HES1: variants seen among roughly 807,000 people sequenced by gnomAD.
HES1 encodes hes family bHLH transcription factor 1, also known as transcription factor HES-1.
Under a neutral mutation model 21.0 loss-of-function variants are expected in HES1, and 7 were observed. The observed-to-expected ratio is 0.33, with a 90% confidence interval of 0.19 to 0.63. The LOEUF is 0.63. HES1 is among the 20% of genes least tolerant of loss of function. The probability of loss-of-function intolerance (pLI) is 0.78; values close to 1 mark genes in which losing one functional copy is unlikely to be tolerated. For synonymous variants in HES1, 169 were observed against 171.2 expected (o/e 0.99, Z 0.10); for missense variants, 338 against 389.8 (o/e 0.87, Z 1.12).
At chr3:194,136,520 C>T in intron 1 of HES1, 32 bp downstream of exon 1, 3 of 1,569,622 alleles carry the variant, frequency 1.9e-6, no homozygotes, top group Non-Finnish European at 2.6e-6. Flanking sequence ...CTTTGCAGCC[C>T]CTCAAAATTA....
chr3:194,136,513 T>C (rs1715342140), intron 1 of HES1, 25 bp downstream of exon 1: 6 of 1,574,622 alleles, frequency 3.8e-6, no homozygotes, highest in South Asian at 1.2e-5. Context: ...TGTATCTCTT[T>C]GCAGCCCCTC....
chr3:194,136,877 G>A lies in HES1; in HGVS notation c.205-84G>A, dbSNP rs540940171. ...GCTGGGGTCCAGAGATAATGCTTGC[G>A]CTCCGTGGCCGGGAGGAGGGACCCC... On this transcript the variant is annotated intron_variant, in intron 2 of 3. Transcript: ENST00000232424. 9.0e-6 allele frequency: 13 copies of A among 1,442,562 alleles called. No individual in the cohort carries two copies. In the East Asian group the frequency reaches 2.9e-4, roughly 33 times the overall value. The allele number at this position is 1,442,562 out of a possible 1,614,324, so 89.4% of individuals were successfully genotyped here.
chr3:194,136,386 A>T lies in HES1; in HGVS notation c.6A>T (p.Pro2=), dbSNP rs749803709. ...AAAAAAAAAAAAAAAGGAAAATGCC[A>T]GCTGATATAATGGAGAAAAATTCCT... M[P]ADIMEKNSSS... Residue 2 remains proline, a synonymous_variant, in exon 1 of 4, where the codon CCA becomes CCT. Transcript: ENST00000232424. 2 of 1,527,020 alleles carry T rather than the reference A, an allele frequency of 1.3e-6. No homozygotes were observed. Among genetic ancestry groups the T allele is most frequent in the Non-Finnish European group, 1.8e-6 (2 of 1,127,780 alleles). 94.6% of individuals were successfully genotyped at this position (1,527,020 alleles called of 1,614,324 possible). A position where few individuals can be genotyped will look rare whatever the true frequency, so the allele number is the denominator to read the frequency against.
Position 194,137,602 on chromosome 3 carries a change from C to T in HES1, c.293-81C>T. 1 of 1,413,564 alleles carries T rather than the reference C, an allele frequency of 7.1e-7. No individual in the cohort carries two copies. The highest frequency in any genetic ancestry group is 9.4e-7 in the Non-Finnish European group (1 of 1,063,272). The allele number at this position is 1,413,564 out of a possible 1,614,324, so 87.6% of individuals were successfully genotyped here. A position where few individuals can be genotyped will look rare whatever the true frequency, so the allele number is the denominator to read the frequency against. On this transcript the variant is annotated intron_variant, in intron 3 of 3. Coordinates refer to ENST00000232424, the MANE Select transcript of HES1 (RefSeq NM_005524.4). The surrounding 1 kb of genome is among the most constrained non-coding windows in gnomAD (Gnocchi z 5.4). ...CGGGCGCATGGTCAGGGAGGCGCGC[C>T]ACAGGGACCTCCCAGGGCGGAGGCA...
rs1224880667 is a variant in HES1, at chr3:194,138,325, G to A, written c.*92G>A. ...GGAACTTGAATACTGGGAGAGAAGA[G>A]GACTTTTTTGATTAAGTGGTTACTT... On this transcript the variant is annotated 3_prime_UTR_variant, in exon 4 of 4. Coordinates refer to ENST00000232424, the MANE Select transcript of HES1 (RefSeq NM_005524.4). 1 of 1,279,778 alleles carries A rather than the reference G, an allele frequency of 7.8e-7. No homozygotes were observed. Among genetic ancestry groups the A allele is most frequent in the African/African-American group, 1.5e-5 (1 of 65,522 alleles). 79.3% of individuals were successfully genotyped at this position (1,279,778 alleles called of 1,614,324 possible). A position where few individuals can be genotyped will look rare whatever the true frequency, so the allele number is the denominator to read the frequency against.
At position 194,137,774 on chromosome 3, in the gene HES1, C is replaced by G; in HGVS notation, c.384C>G (p.Cys128Trp). The stretch of plus-strand genomic sequence containing the variant: ...AGGTGACCCGCTTCCTGTCCACGTG[C>G]GAGGGCGTTAATACCGAGGTGCGCA... ...MNEVTRFLST[C>W]EGVNTEVRTR... The change falls in exon 4 of 4, where the codon TGC (cysteine) becomes TGG (tryptophan). Residue 128 changes from cysteine to tryptophan, a missense_variant. By Grantham distance (215) the Cys-to-Trp change is radical. Coordinates refer to ENST00000232424, the MANE Select transcript of HES1 (RefSeq NM_005524.4). The surrounding 1 kb of genome is among the most constrained non-coding windows in gnomAD (Gnocchi z 5.4). 3 of 1,613,532 alleles carry G rather than the reference C, an allele frequency of 1.9e-6. No homozygotes were observed. In the East Asian group the frequency reaches 6.7e-5, roughly 36 times the overall value.
chr3:194,136,794 C>T (rs1715351418), intron 2 of HES1, 82 bp downstream of exon 2: 2 of 1,433,944 alleles, frequency 1.4e-6, no homozygotes, highest in Non-Finnish European at 2.0e-6. Flanking sequence ...CCCCGCCCTG[C>T]GGGGTCTGGC....
At chr3:194,136,882 G>A in intron 2 of HES1, 79 bp from the exon 3 acceptor site, 2 of 1,459,102 alleles carry the variant, frequency 1.4e-6, no homozygotes, top group Non-Finnish European at 1.9e-6. Flanking sequence ...CTTGCGCTCC[G>A]TGGCCGGGAG....
In HES1 at chr3:194,137,313, A is replaced by G. The variant is rs559325563; in HGVS notation, c.292+265A>G. ...GGACTTAGGACTGTGGCGGTTTGGA[A>G]CTGCGTGGAGCCTGGGGGTCACTGG... On this transcript the variant is annotated intron_variant, in intron 3 of 3. Coordinates refer to ENST00000232424, the MANE Select transcript of HES1 (RefSeq NM_005524.4). This position sits in a 1 kb window ranked among gnomAD's most constrained non-coding sequence, Gnocchi z 5.4. 29 of 584,886 alleles carry G rather than the reference A, an allele frequency of 5.0e-5. No homozygotes were observed. The East Asian group carries it at 8.3e-4, about 17-fold the overall frequency. 36.2% of individuals were successfully genotyped at this position (584,886 alleles called of 1,614,324 possible). A position where few individuals can be genotyped will look rare whatever the true frequency, so the allele number is the denominator to read the frequency against.
At position 194,136,324 on chromosome 3, in the gene HES1, T is replaced by C; in HGVS notation, c.-57T>C. On this transcript the variant is annotated 5_prime_UTR_variant, in exon 1 of 4. Coordinates refer to ENST00000232424, the MANE Select transcript of HES1 (RefSeq NM_005524.4). ...AGAGACACAAACAAAAAATTCTTTT[T>C]CGTGAAGAACTCCAAAAATAAAATT... 9.2e-7 allele frequency: 1 copy of C among 1,089,144 alleles called. No individual in the cohort carries two copies. Among genetic ancestry groups the C allele is most frequent in the Non-Finnish European group, 1.3e-6 (1 of 756,294 alleles). 67.5% of individuals were successfully genotyped at this position (1,089,144 alleles called of 1,614,324 possible). A position where few individuals can be genotyped will look rare whatever the true frequency, so the allele number is the denominator to read the frequency against.
chr3:194,138,184 G>T lies in HES1; in HGVS notation c.794G>T (p.Ser265Ile). 1 of 1,601,652 alleles carries T rather than the reference G, an allele frequency of 6.2e-7. No individual in the cohort carries two copies. The highest frequency in any genetic ancestry group is 8.5e-7 in the Non-Finnish European group (1 of 1,174,726). ...SVGPNAVSPS[S>I]GPSLTADSMW... Reference sequence around the variant, plus strand: ...GGCCCCAACGCAGTGTCACCTTCCAGCGGCCCCTCGCTTACGGCGGACTCC... The same window carrying T: ...GGCCCCAACGCAGTGTCACCTTCCATCGGCCCCTCGCTTACGGCGGACTCC... The change falls in exon 4 of 4, where the codon AGC (serine) becomes ATC (isoleucine). Residue 265 changes from serine to isoleucine, a missense_variant. Ser to Ile is a moderately radical substitution (Grantham distance 142). Transcript: ENST00000232424.
At position 194,137,064 on chromosome 3, in the gene HES1, C is replaced by T; in HGVS notation, c.292+16C>T. On this transcript the variant is annotated intron_variant, in intron 3 of 3. Coordinates refer to ENST00000232424, the MANE Select transcript of HES1 (RefSeq NM_005524.4). This position sits in a 1 kb window ranked among gnomAD's most constrained non-coding sequence, Gnocchi z 5.4. ...CAGATGACGGGTGAGGGCGGCTCGCCGCGTCCCCCTGTGCGGGCGTCCCGC... is the reference window on the plus strand; with the variant it reads ...CAGATGACGGGTGAGGGCGGCTCGCTGCGTCCCCCTGTGCGGGCGTCCCGC... 6.2e-7 allele frequency: 1 copy of T among 1,609,148 alleles called. No individual in the cohort carries two copies. The highest frequency in any genetic ancestry group is 8.5e-7 in the Non-Finnish European group (1 of 1,175,784).
rs1458383587 is a variant in HES1, at chr3:194,136,621, C to G, written c.113C>G (p.Ser38Ter). 6.2e-7 allele frequency: 1 copy of G among 1,609,906 alleles called. No individual in the cohort carries two copies. Among genetic ancestry groups the G allele is most frequent in the Non-Finnish European group, 8.5e-7 (1 of 1,178,152 alleles). Residue 38 changes from serine (S) to a stop codon, truncating the protein, a stop_gained, in exon 2 of 4, where the codon TCA becomes TGA. Coordinates refer to ENST00000232424, the MANE Select transcript of HES1 (RefSeq NM_005524.4). LOFTEE classifies it high-confidence loss of function. ...AACTCTTTTTTTTATTTGCAGTCATCAAAGCCTATTATGGAGAAAAGACGA... is the reference window on the plus strand; with the variant it reads ...AACTCTTTTTTTTATTTGCAGTCATGAAAGCCTATTATGGAGAAAAGACGA... The part of the protein sequence containing the change: ...PKTASEHRKS[S>*]KPIMEKRRRA...
At chr3:194,136,821 T>G (rs773467524) in intron 2 of HES1, 109 bp downstream of exon 2, 14 of 1,369,986 alleles carry the variant, frequency 1.0e-5, no homozygotes, top group Middle Eastern at 1.8e-4. Flanking sequence ...TGGTACTGCG[T>G]TCTCCCAGGC....
rs1364315506 is a variant in HES1 at position 194,136,720 on chromosome 3, G to A, written c.204+8G>A. 1.2e-5 allele frequency: 19 copies of A among 1,595,994 alleles called. No homozygotes were observed. Among genetic ancestry groups the A allele is most frequent in the Non-Finnish European group, 1.5e-5 (17 of 1,163,590 alleles). On this transcript the variant is annotated splice_region_variant and intron_variant, in intron 2 of 3. Transcript: ENST00000232424. The stretch of plus-strand genomic sequence containing the variant: ...GATGCTCTGAAGAAAGATGTAAGTG[G>A]GGAAATGCTGCTCGCTCTTTTAATT...
rs1715401029 is a variant in HES1, at chr3:194,138,371, G to A, written c.*138G>A. ...TACTTTGTGTTTTTTTAATTTCTAA[G>A]AAGTTACTTTTTGTAGAGAGAGCTG... On this transcript the variant is annotated 3_prime_UTR_variant, in exon 4 of 4. Coordinates refer to ENST00000232424, the MANE Select transcript of HES1 (RefSeq NM_005524.4). 1.1e-6 allele frequency: 1 copy of A among 904,056 alleles called. No homozygotes were observed. The highest frequency in any genetic ancestry group is 1.6e-6 in the Non-Finnish European group (1 of 642,986). 56.0% of individuals were successfully genotyped at this position (904,056 alleles called of 1,614,324 possible).
chr3:194,138,198 A>G lies in HES1; in HGVS notation c.808A>G (p.Thr270Ala). Residue 270 changes from threonine to alanine, a missense_variant, in exon 4 of 4, where the codon ACG (threonine) becomes GCG (alanine). Coordinates refer to ENST00000232424, the MANE Select transcript of HES1 (RefSeq NM_005524.4). ...GTCACCTTCCAGCGGCCCCTCGCTT[A>G]CGGCGGACTCCATGTGGAGGCCGTG... is the stretch of plus-strand genomic sequence containing the variant. ...AVSPSSGPSL[T>A]ADSMWRPWRN 6.3e-7 allele frequency: 1 copy of G among 1,595,406 alleles called. No homozygotes were observed.
Position 194,138,020 on chromosome 3 carries a change from A to C in HES1, c.630A>C (p.Gly210=). 3 of 1,534,390 alleles carry C rather than the reference A, an allele frequency of 2.0e-6. No homozygotes were observed. The highest frequency in any genetic ancestry group is 2.6e-6 in the Non-Finnish European group (3 of 1,138,914). The change falls in exon 4 of 4, where the codon GGA becomes GGC. Residue 210 remains glycine (G), a synonymous_variant. Coordinates refer to ENST00000232424, the MANE Select transcript of HES1 (RefSeq NM_005524.4). ...CCTGCAAGCTGGGCAGCCAGGCTGG[A>C]GAGGCGGCTAAGGTGTTTGGAGGCT... ...GAPCKLGSQA[G]EAAKVFGGFQ... is the part of the protein sequence containing the mutation.
chr3:194,136,792 T>G, intron 2 of HES1, 80 bp downstream of exon 2: 8 of 1,436,732 alleles, frequency 5.6e-6, no homozygotes, highest in Admixed American at 1.7e-5. Flanking sequence ...CCCCCCGCCC[T>G]GCGGGGTCTG....
Sources: gnomAD v4.1 joint callset for allele counts on GRCh38, gnomAD v4.1.1 for gene constraint, Gnocchi (gnomAD v3.1) non-coding constraint, MANE v1.5 for transcripts, NCBI Gene and HGNC (gene_info 2026-07-23, HGNC 2026-07-21) for gene names.